The following TWSG1 variants were observed in gnomAD, a reference collection of about 807,000 sequenced individuals.
The protein encoded by TWSG1 is twisted gastrulation protein homolog 1.
A neutral mutation model predicts 23.0 loss-of-function variants in TWSG1; 15 were observed. That is an observed-to-expected ratio of 0.65 (90% CI 0.44 to 1.00). The LOEUF (loss-of-function observed/expected upper bound fraction) is 1.00. TWSG1 is among the 50% of genes least tolerant of loss of function. TWSG1 has a pLI of 0.00. For missense variants in TWSG1, 242 were observed against 278.7 expected (o/e 0.87, Z 0.94); for synonymous variants, 86 against 92.8 (o/e 0.93, Z 0.42).
rs539437118 is a variant in TWSG1, at chr18:9,352,307, A to T, written c.124-7665A>T. On this transcript the variant is annotated intron_variant, in intron 2 of 4. Coordinates refer to ENST00000262120, the MANE Select transcript of TWSG1 (RefSeq NM_020648.6). ...GAGTAGGATTCCTTTGTGTGGATGT[A>T]CTACAATTTGTTTATCCATTCACTG... Among the ~76,000 whole-genome samples, 4 of 152,256 alleles carry T rather than the reference A, an allele frequency of 2.6e-5. No individual in the cohort carries two copies. In the South Asian group the frequency reaches 8.3e-4, roughly 32 times the overall value.
rs143899985 is a variant in TWSG1, at chr18:9,372,049, G to A, written c.223+11978G>A. On this transcript the variant is annotated intron_variant, in intron 3 of 4. Transcript: ENST00000262120. ...CAAAGTGCTGGGATTACAGCCGTGA[G>A]CCATCGCGCCTGGCCAACGTTTTTA... Among the ~76,000 whole-genome samples, 1,148 of 152,180 alleles carry A rather than the reference G, an allele frequency of 7.5e-3. 10 individuals are homozygous for A. The highest frequency in any genetic ancestry group is 0.013 in the Non-Finnish European group (862 of 67,996).
At chr18:9,357,130 G>A (rs997204043) in intron 2 of TWSG1, among the ~76,000 whole-genome samples, 1 of 152,056 alleles carries the variant, frequency 6.6e-6, no homozygotes, top group African/African-American at 2.4e-5. Flanking sequence ...TCTGAATCAC[G>A]CATCACCAGT....
intron 2 of TWSG1, among the ~76,000 whole-genome samples, chr18:9,350,079 G>T (rs1358910364): frequency 6.6e-6 from 1 of 152,086 alleles, no homozygotes; most frequent in Admixed American, 6.5e-5. Context: ...GGTGGAGGTT[G>T]CAGTGAGCCG....
chr18:9,359,832 T>G (rs573874646), intron 2 of TWSG1, 140 bp from the exon 3 acceptor site: 5 of 560,286 alleles, frequency 8.9e-6, no homozygotes, highest in African/African-American at 5.6e-5. Context: ...TTCTGATGAA[T>G]AGTTAATAAT....
intron 3 of TWSG1, among the ~76,000 whole-genome samples, chr18:9,391,780 ACTCT>A (rs374723142): frequency 5.3e-5 from 8 of 152,256 alleles, no homozygotes; most frequent in African/African-American, 1.2e-4. Context: ...AGTTGAAATG[ACTCT>A]CTCAACCTTG....
chr18:9,386,523 A>G (rs966460197), intron 3 of TWSG1, among the ~76,000 whole-genome samples: 1 of 151,918 alleles, frequency 6.6e-6, no homozygotes, highest in East Asian at 1.9e-4. Flanking sequence ...GTCATAGAAT[A>G]TAGTGAAAAC....
chr18:9,376,914 T>A (rs1230971464), intron 3 of TWSG1, among the ~76,000 whole-genome samples: 1 of 152,104 alleles, frequency 6.6e-6, no homozygotes, highest in African/African-American at 2.4e-5. Context: ...TTGTCATCAT[T>A]CCTTTAACAA....
intron 3 of TWSG1, among the ~76,000 whole-genome samples, chr18:9,380,389 G>A (rs1416961379): frequency 1.3e-5 from 2 of 152,138 alleles, no homozygotes; most frequent in Non-Finnish European, 2.9e-5. Flanking sequence ...TCCATGCTCC[G>A]TGATCCATTA....
At chr18:9,354,794 A>G (rs1468052634) in intron 2 of TWSG1, among the ~76,000 whole-genome samples, 1 of 151,892 alleles carries the variant, frequency 6.6e-6, no homozygotes, top group African/African-American at 2.4e-5. Context: ...AAGGGGGAGG[A>G]ATTTAGGGTT....
intron 2 of TWSG1, among the ~76,000 whole-genome samples, chr18:9,352,103 CCTGGCAACCA>C (rs1351386940): frequency 1.3e-5 from 2 of 152,176 alleles, no homozygotes; most frequent in Non-Finnish European, 2.9e-5. Context: ...AGCCTCAGCC[CCTGGCAACCA>C]CTGATTTGAT....
intron 2 of TWSG1, among the ~76,000 whole-genome samples, chr18:9,344,631 C>CA (rs1453898338): frequency 2.6e-5 from 4 of 151,302 alleles, no homozygotes; most frequent in Admixed American, 2.6e-4. Flanking sequence ...TGGACTCAAG[C>CA]AATCCTCCCA....
At chr18:9,379,797 C>A (rs1356017119) in intron 3 of TWSG1, among the ~76,000 whole-genome samples, 2 of 152,088 alleles carry the variant, frequency 1.3e-5, no homozygotes, top group Non-Finnish European at 2.9e-5. Flanking sequence ...AAAAAAACTT[C>A]TTAGTATTTT....
At chr18:9,390,827 C>G (rs1237347593) in intron 3 of TWSG1, among the ~76,000 whole-genome samples, 1 of 152,142 alleles carries the variant, frequency 6.6e-6, no homozygotes, top group African/African-American at 2.4e-5. Context: ...GCCTGGACAT[C>G]ATAGTGAGAC....
At chr18:9,343,407 T>A (rs1002872632) in intron 2 of TWSG1, among the ~76,000 whole-genome samples, 23 of 151,862 alleles carry the variant, frequency 1.5e-4, no homozygotes, top group Non-Finnish European at 1.0e-4. Flanking sequence ...AGATTTTTTT[T>A]AAAAAACAGT....
chr18:9,394,138 T>C (rs2040724254), intron 3 of TWSG1, among the ~76,000 whole-genome samples: 1 of 152,174 alleles, frequency 6.6e-6, no homozygotes, highest in Non-Finnish European at 1.5e-5. Flanking sequence ...ATTGCCAAAA[T>C]GTGGAGTCAA....
rs192966336 is a variant in TWSG1, at chr18:9,358,778, T to A, written c.124-1194T>A. 1.6e-4 allele frequency among the ~76,000 whole-genome samples: 24 copies of A among 152,262 alleles called. No individual in the cohort carries two copies. The East Asian group carries it at 4.6e-3, about 29-fold the overall frequency. ...ATTCAGGTGTTACATGGAAGGATGG[T>A]TTTGTTGACCTGTGAAGTTCCTTCT... On this transcript the variant is annotated intron_variant, in intron 2 of 4. Coordinates refer to ENST00000262120, the MANE Select transcript of TWSG1 (RefSeq NM_020648.6).
In TWSG1 at chr18:9,360,075, A is replaced by G; in HGVS notation, c.223+4A>G. 6.2e-7 allele frequency: 1 copy of G among 1,607,022 alleles called. No individual in the cohort carries two copies. The highest frequency in any genetic ancestry group is 8.5e-7 in the Non-Finnish European group (1 of 1,174,002). On this transcript the variant is annotated splice_donor_region_variant and intron_variant, in intron 3 of 4. Coordinates refer to ENST00000262120, the MANE Select transcript of TWSG1 (RefSeq NM_020648.6). ...GACGAGTGCTGTGACTGTGTTGGTA[A>G]GTTGATACCAAGGGAGACTTCTTAA...
chr18:9,370,845 A>G (rs529769440), intron 3 of TWSG1, among the ~76,000 whole-genome samples: 2 of 152,334 alleles, frequency 1.3e-5, no homozygotes, highest in East Asian at 3.9e-4. Context: ...TGTATAAAAT[A>G]TGAGCCATAG....
At chr18:9,338,619 C>T (rs565249652) in intron 2 of TWSG1, among the ~76,000 whole-genome samples, 6 of 152,194 alleles carry the variant, frequency 3.9e-5, no homozygotes, top group African/African-American at 9.7e-5. Flanking sequence ...AACACTAATT[C>T]TTTAATCACC....
Sources: allele counts gnomAD v4.1 joint callset (sites outside exome capture counted in the v4.1 genomes callset), GRCh38; gene constraint gnomAD v4.1.1; transcripts MANE v1.5; gene names NCBI Gene and HGNC (gene_info 2026-07-23, HGNC 2026-07-21).